CD96: variants seen among roughly 807,000 people sequenced by gnomAD.
CD96 encodes T-cell surface protein tactile.
In CD96, 70 loss-of-function variants were observed where a neutral mutation model predicts 71.3. The ratio of observed to expected loss-of-function variants is 0.98; its 90% confidence interval spans 0.81 to 1.20. The LOEUF is 1.20. Ranked by LOEUF, CD96 falls within the 50% of genes most tolerant of loss-of-function variation. The pLI, the probability that CD96 is intolerant of heterozygous loss-of-function variation, is 0.00. For missense variants in CD96, 742 were observed against 677.5 expected (o/e 1.10, Z -1.06); for synonymous variants, 248 against 233.0 (o/e 1.06, Z -0.59).
intron 2 of CD96, among the ~76,000 whole-genome samples, chr3:111,553,888 A>G (rs993345399): frequency 1.3e-5 from 2 of 151,946 alleles, no homozygotes; most frequent in Non-Finnish European, 2.9e-5. Context: ...ATCCTTTGTT[A>G]TATAAGTTGC....
At chr3:111,641,504 A>G (rs1017287331) in intron 12 of CD96, among the ~76,000 whole-genome samples, 1 of 152,250 alleles carries the variant, frequency 6.6e-6, no homozygotes, top group Non-Finnish European at 1.5e-5. Context: ...TAAAACAATT[A>G]CTAATAGACC....
At chr3:111,582,078 A>G (rs962028550) in intron 4 of CD96, among the ~76,000 whole-genome samples, 1 of 152,194 alleles carries the variant, frequency 6.6e-6, no homozygotes, top group Non-Finnish European at 1.5e-5. Context: ...CCATCTCTCC[A>G]TCTGTATCAC....
downstream of CD96, among the ~76,000 whole-genome samples, chr3:111,654,618 T>C (rs1940185280): frequency 6.6e-6 from 1 of 152,230 alleles, no homozygotes; most frequent in Non-Finnish European, 1.5e-5. Flanking sequence ...GACTGTGGCA[T>C]TGTGATTGTG....
At chr3:111,638,558 A>C (rs936513246) in intron 12 of CD96, among the ~76,000 whole-genome samples, 3 of 152,260 alleles carry the variant, frequency 2.0e-5, no homozygotes, top group Non-Finnish European at 2.9e-5. Flanking sequence ...GAAAGAAATC[A>C]TTGGAACAAA....
intron 14 of CD96, among the ~76,000 whole-genome samples, chr3:111,660,505 GA>G (rs887883751): frequency 6.6e-5 from 10 of 151,090 alleles, no homozygotes; most frequent in South Asian, 2.1e-4. Context: ...CACAGAATTA[GA>G]AAAAAAAACT....
chr3:111,632,501 A>G (rs1939118005), intron 10 of CD96, among the ~76,000 whole-genome samples: 1 of 152,194 alleles, frequency 6.6e-6, no homozygotes, highest in Non-Finnish European at 1.5e-5. Context: ...AGAAAAAGGA[A>G]TGCTTTTATA....
chr3:111,542,780 G>C (rs988364096), intron 1 of CD96, among the ~76,000 whole-genome samples: 8 of 152,294 alleles, frequency 5.3e-5, no homozygotes, highest in African/African-American at 1.9e-4. Context: ...TTTGGGAGTT[G>C]AAAACACGTT....
At chr3:111,559,992 TG>T (rs1437517419) in intron 2 of CD96, among the ~76,000 whole-genome samples, 5 of 110,036 alleles carry the variant, frequency 4.5e-5, no homozygotes. Flanking sequence ...TGATCTTTGT[TG>T]GTTTAAAGTC....
At chr3:111,593,207 C>A (rs938938867) in intron 5 of CD96, 1 of 189,530 alleles carries the variant, frequency 5.3e-6, no homozygotes, top group Non-Finnish European at 1.1e-5. Flanking sequence ...TCCACCAAAA[C>A]CGAGTGCTAG....
chr3:111,652,799 G>C (rs947049363), downstream of CD96, among the ~76,000 whole-genome samples: 1 of 151,976 alleles, frequency 6.6e-6, no homozygotes, highest in Non-Finnish European at 1.5e-5. Context: ...TGACTAAAAT[G>C]ACAGTTTCAT....
chr3:111,620,457 A>C (rs1357155726), intron 8 of CD96, among the ~76,000 whole-genome samples: 1 of 152,198 alleles, frequency 6.6e-6, no homozygotes, highest in African/African-American at 2.4e-5. Context: ...TGGGAGAGAG[A>C]GGGGTAGATT....
At chr3:111,656,638 T>G (rs1403539149), downstream of CD96, among the ~76,000 whole-genome samples, 1 of 152,084 alleles carries the variant, frequency 6.6e-6, no homozygotes, top group Non-Finnish European at 1.5e-5. Flanking sequence ...TTGAATAAAA[T>G]GTAGTAAATA....
intron 10 of CD96, among the ~76,000 whole-genome samples, chr3:111,624,942 A>G (rs993094385): frequency 6.6e-6 from 1 of 152,260 alleles, no homozygotes; most frequent in Non-Finnish European, 1.5e-5. Flanking sequence ...CAGGATCTGA[A>G]GAAGAAATAT....
At chr3:111,556,035 A>C (rs1342833610) in intron 2 of CD96, among the ~76,000 whole-genome samples, 1 of 152,296 alleles carries the variant, frequency 6.6e-6, no homozygotes, top group Non-Finnish European at 1.5e-5. Flanking sequence ...AGCCATCTCA[A>C]ATTTGCTATT....
chr3:111,655,237 G>A (rs192557557), downstream of CD96, among the ~76,000 whole-genome samples: 35 of 152,248 alleles, frequency 2.3e-4, no homozygotes, highest in Admixed American at 1.6e-3. Flanking sequence ...TTTTAATTTT[G>A]TGGCTAGTTA....
chr3:111,618,442 A>G (rs961277346), intron 8 of CD96, among the ~76,000 whole-genome samples: 1 of 152,230 alleles, frequency 6.6e-6, no homozygotes, highest in Non-Finnish European at 1.5e-5. Flanking sequence ...CAATGAAGCT[A>G]CGACTCATAC....
rs192683940 is a variant in CD96, at chr3:111,574,763, T to C, written c.544-4264T>C. 4.2e-4 allele frequency among the ~76,000 whole-genome samples: 63 copies of C among 151,518 alleles called. 2 individuals are homozygous for C. In the East Asian group the frequency reaches 9.1e-3, roughly 22 times the overall value. Reference sequence around the variant, plus strand: ...TAGTGCAAAAAATCTATTTAAAAATTATATTTAAAAATATGAATTTTTAGA... The same window carrying C: ...TAGTGCAAAAAATCTATTTAAAAATCATATTTAAAAATATGAATTTTTAGA... On this transcript the variant is annotated intron_variant, in intron 3 of 13. Transcript: ENST00000352690.
rs569681566 is a variant in CD96, at chr3:111,564,976, A to T, written c.419-2547A>T. The stretch of plus-strand genomic sequence containing the variant: ...TGTCTTATTGGATTCTATGTCCAGC[A>T]GTTTTTTCTCCCCATGGCATGTGTC... On this transcript the variant is annotated intron_variant, in intron 2 of 13. Coordinates refer to ENST00000352690, the MANE Select transcript of CD96 (RefSeq NM_005816.5). Among the ~76,000 whole-genome samples, 193 of 152,246 alleles carry T rather than the reference A, an allele frequency of 1.3e-3. 1 individual carries two copies. The highest frequency in any genetic ancestry group is 4.5e-3 in the African/African-American group (186 of 41,548).
chr3:111,584,871 A>G (rs1559736579), intron 4 of CD96, among the ~76,000 whole-genome samples: 1 of 152,030 alleles, frequency 6.6e-6, no homozygotes, highest in Non-Finnish European at 1.5e-5. Flanking sequence ...CTCCCTCCCC[A>G]CCACCCATCC....
Sources: gnomAD v4.1 joint callset for allele counts (sites outside exome capture counted in the v4.1 genomes callset) on GRCh38, gnomAD v4.1.1 for gene constraint, MANE v1.5 for transcripts, NCBI Gene and HGNC (gene_info 2026-07-23, HGNC 2026-07-21) for gene names.